ZNF202: variants seen among roughly 807,000 people sequenced by gnomAD.
ZNF202 encodes the protein zinc finger protein with KRAB and SCAN domains 10.
A neutral mutation model predicts 54.5 loss-of-function variants in ZNF202; 22 were observed. The observed-to-expected ratio is 0.40, with a 90% confidence interval of 0.29 to 0.58. The LOEUF (loss-of-function observed/expected upper bound fraction) is 0.58, where lower values mean the gene tolerates loss of function less well. ZNF202 is among the 20% of genes least tolerant of loss of function. The probability of loss-of-function intolerance (pLI) is 0.39; values close to 1 mark genes in which losing one functional copy is unlikely to be tolerated. For synonymous variants in ZNF202, 294 were observed against 301.4 expected, an observed-to-expected ratio of 0.98 and a Z score of 0.26; for missense variants, 644 against 805.5, an observed-to-expected ratio of 0.80 and a Z score of 2.43.
rs375456745 is a variant in ZNF202 at position 123,729,657 on chromosome 11, G to A, written c.571C>T (p.Arg191Cys). Residue 191 changes from arginine to cysteine, a missense_variant, in exon 5 of 9, where the codon CGT (arginine) becomes TGT (cysteine). Arg to Cys is a radical substitution (Grantham distance 180). Coordinates refer to ENST00000530393, the MANE Select transcript of ZNF202 (RefSeq NM_003455.4). ...TGGAGCTCCTCTTCCTGGTGTGGAC[G>A]CTGCTCTGCCGGTGCCCCCAGATCT... ...SPDLGAPAEQ[R>C]PHQEEELQTL... The A allele has an allele frequency of 2.2e-5, 35 of 1,609,628 alleles. No individual in the cohort carries two copies. The East Asian group carries it at 5.1e-4, about 24-fold the overall frequency.
intron 3 of ZNF202, among the ~76,000 whole-genome samples, chr11:123,733,034 GGA>G (rs1208914263): frequency 1.3e-5 from 2 of 152,110 alleles, no homozygotes; most frequent in African/African-American, 4.8e-5. Context: ...CGGATACATT[GGA>G]GAGATGACTT....
intron 1 of ZNF202, among the ~76,000 whole-genome samples, chr11:123,740,741 AC>A (rs1273629928): frequency 6.6e-6 from 1 of 152,216 alleles, no homozygotes; most frequent in East Asian, 1.9e-4. Flanking sequence ...GTTCAGAAAA[AC>A]AAAAATTAGA....
chr11:123,736,924 A>G (rs1391589934), intron 3 of ZNF202, among the ~76,000 whole-genome samples: 1 of 152,214 alleles, frequency 6.6e-6, no homozygotes, highest in African/African-American at 2.4e-5. Flanking sequence ...CGTTTTGGGA[A>G]GAAGGCAAGA....
Position 123,726,240 on chromosome 11 carries a change from G to A in ZNF202, c.1704C>T (p.Ser568=), listed in dbSNP as rs746798523. 11 of 1,614,196 alleles carry A rather than the reference G, an allele frequency of 6.8e-6. No individual in the cohort carries two copies. The highest frequency in any genetic ancestry group is 2.2e-5 in the East Asian group (1 of 44,872). ...TGTGGGTGAAGCAGCGCCCGCACTC[G>A]CTGCAGAGGTAGAGTTCCTCAGCAG... The part of the protein sequence containing the change: ...THAAEELYLC[S]ECGRCFTHSA... Residue 568 remains serine (S), a synonymous_variant, in exon 9 of 9, where the codon AGC becomes AGT. Transcript: ENST00000530393. This position sits in a 1 kb window ranked among gnomAD's most constrained non-coding sequence, Gnocchi z 6.0.
At chr11:123,728,402 G>A (rs931983335) in intron 6 of ZNF202, 140 bp from the exon 7 acceptor site, 27 of 1,147,458 alleles carry the variant, frequency 2.4e-5, no homozygotes, top group African/African-American at 4.8e-5. Context: ...ACTCATTCTC[G>A]GGGGAGCCAT....
intron 3 of ZNF202, chr11:123,738,800 T>A (rs1845589649): frequency 6.6e-6 from 1 of 152,232 alleles, no homozygotes; most frequent in Non-Finnish European, 1.5e-5. Context: ...TCTAGATGAC[T>A]TCCTCCTGGC....
Position 123,728,260 on chromosome 11 carries a change from T to G in ZNF202, c.705A>C (p.Gly235=). The part of the protein sequence containing the change: ...MVALLTALSQ[G]LVTFKDVAVC... ...CGGCCACATCCTTGAACGTTACCAG[T>G]CCCTGAAACCACATAAGGATTTCAT... Residue 235 remains glycine (G), a splice_region_variant and synonymous_variant, in exon 7 of 9, where the codon GGA becomes GGC. Coordinates refer to ENST00000530393, the MANE Select transcript of ZNF202 (RefSeq NM_003455.4). 1 of 1,607,850 alleles carries G rather than the reference T, an allele frequency of 6.2e-7. No individual in the cohort carries two copies. The highest frequency in any genetic ancestry group is 8.5e-7 in the Non-Finnish European group (1 of 1,176,678).
At position 123,730,237 on chromosome 11, in the gene ZNF202, G is replaced by A. The variant is rs1402259012; in HGVS notation, c.402+250C>T. ...ACCCACGGCTCAACATTCAAAGAAG[G>A]GAAAACCAAAGCCATGACCCTTTGG... On this transcript the variant is annotated intron_variant, in intron 4 of 8. Coordinates refer to ENST00000530393, the MANE Select transcript of ZNF202 (RefSeq NM_003455.4). The surrounding 1 kb of genome is among the most constrained non-coding windows in gnomAD (Gnocchi z 6.0). 6.6e-6 allele frequency among the ~76,000 whole-genome samples: 1 copy of A among 152,124 alleles called. No homozygotes were observed. Among genetic ancestry groups the A allele is most frequent in the Non-Finnish European group, 1.5e-5 (1 of 68,008 alleles).
At chr11:123,729,248 G>A in intron 5 of ZNF202, 34 bp from the exon 6 acceptor site, 1 of 1,597,650 alleles carries the variant, frequency 6.3e-7, no homozygotes, top group South Asian at 1.1e-5. Flanking sequence ...TCAGTAATAT[G>A]CAGCATGCCC....
rs1455010417 is a variant in ZNF202, at chr11:123,725,025, GAC to G, written c.*970_*971del. 1 of 152,186 alleles carries G rather than the reference GAC, an allele frequency of 6.6e-6. No individual in the cohort carries two copies. Among genetic ancestry groups the G allele is most frequent in the Non-Finnish European group, 1.5e-5 (1 of 68,038 alleles). The allele number at this position is 152,186 out of a possible 1,614,324, so 9.4% of individuals were successfully genotyped here. A position where few individuals can be genotyped will look rare whatever the true frequency, so the allele number is the denominator to read the frequency against. On this transcript the variant is annotated 3_prime_UTR_variant, in exon 9 of 9. Transcript: ENST00000530393. ...AATTGTTATAGTGCCTTTGTAAGTT[GAC>G]AGTTTCCAAATCCCCTTACTCATAC...
Position 123,730,547 on chromosome 11 carries a change from G to T in ZNF202, c.342C>A (p.Gly114=). The T allele has an allele frequency of 6.4e-7, 1 of 1,568,994 alleles. No individual in the cohort carries two copies. The highest frequency in any genetic ancestry group is 1.9e-5 in the Admixed American group (1 of 52,498). ...SWVRGQRPES[G]EEAVTLVEGL... ...CCTCCACCAGCGTCACTGCCTCCTCGCCACTTTCTGGCCGTTGGCCCCGCA... is the reference window on the plus strand; with the variant it reads ...CCTCCACCAGCGTCACTGCCTCCTCTCCACTTTCTGGCCGTTGGCCCCGCA... Residue 114 remains glycine, a synonymous_variant, in exon 4 of 9, where the codon GGC becomes GGA. Coordinates refer to ENST00000530393, the MANE Select transcript of ZNF202 (RefSeq NM_003455.4). This position sits in a 1 kb window ranked among gnomAD's most constrained non-coding sequence, Gnocchi z 6.0.
intron 3 of ZNF202, among the ~76,000 whole-genome samples, chr11:123,731,604 C>T (rs963236556): frequency 2.0e-5 from 3 of 152,170 alleles, no homozygotes; most frequent in African/African-American, 4.8e-5. Context: ...CTGGCTCTGT[C>T]GCTTACTAGG....
intron 6 of ZNF202, 121 bp from the exon 7 acceptor site, chr11:123,728,383 G>A: frequency 7.7e-7 from 1 of 1,303,822 alleles, no homozygotes; most frequent in South Asian, 1.7e-5. Flanking sequence ...TGAGTGGCGG[G>A]CTGCTTAAAC....
At chr11:123,733,259 ATTCT>A (rs1403767292) in intron 3 of ZNF202, among the ~76,000 whole-genome samples, 1 of 152,142 alleles carries the variant, frequency 6.6e-6, no homozygotes, top group Non-Finnish European at 1.5e-5. Context: ...CATTATCTTC[ATTCT>A]TTCTCAAAAC....
At position 123,730,100 on chromosome 11, in the gene ZNF202, C is replaced by T. The variant is rs1244273808; in HGVS notation, c.403-275G>A. Among the ~76,000 whole-genome samples the T allele has an allele frequency of 6.6e-6, 1 of 152,146 alleles. No individual in the cohort carries two copies. Among genetic ancestry groups the T allele is most frequent in the East Asian group, 1.9e-4 (1 of 5,172 alleles). ...TTCCTTCCCATCTCCACCTGTCCCA[C>T]CTGCAGCTCTCCTTGCTGCCTGCTT... On this transcript the variant is annotated intron_variant, in intron 4 of 8. Coordinates refer to ENST00000530393, the MANE Select transcript of ZNF202 (RefSeq NM_003455.4). The surrounding 1 kb of genome is among the most constrained non-coding windows in gnomAD (Gnocchi z 6.0).
rs936652156 is a variant in ZNF202 at position 123,725,722 on chromosome 11, A to G, written c.*275T>C. 1 of 419,378 alleles carries G rather than the reference A, an allele frequency of 2.4e-6. No homozygotes were observed. The highest frequency in any genetic ancestry group is 2.0e-5 in the African/African-American group (1 of 50,720). 26.0% of individuals were successfully genotyped at this position (419,378 alleles called of 1,614,324 possible). On this transcript the variant is annotated 3_prime_UTR_variant, in exon 9 of 9. Transcript: ENST00000530393. ...ACCTCTTAAGTCTCTTAGTTCTCCT[A>G]CTTTATACCCATGAGGTAGAGGCAG...
chr11:123,726,979 T>A lies in ZNF202; in HGVS notation c.965A>T (p.Lys322Ile), dbSNP rs773878966. The change falls in exon 9 of 9, where the codon AAA becomes ATA. Residue 322 changes from lysine to isoleucine, a missense_variant. Coordinates refer to ENST00000530393, the MANE Select transcript of ZNF202 (RefSeq NM_003455.4). The surrounding 1 kb of genome is among the most constrained non-coding windows in gnomAD (Gnocchi z 6.0). ...LSFTYTGDRS[K>I]DEEECLEQED... ...CTGCTCCAGACACTCTTCCTCATCTTTACTCCTATCTCCTGTAGAAAGGGT... is the reference window on the plus strand; with the variant it reads ...CTGCTCCAGACACTCTTCCTCATCTATACTCCTATCTCCTGTAGAAAGGGT... 6.1e-5 allele frequency: 99 copies of A among 1,612,260 alleles called. 1 individual carries two copies. The highest frequency in any genetic ancestry group is 8.1e-5 in the Non-Finnish European group (95 of 1,179,444).
chr11:123,726,519 T>TG lies in ZNF202; in HGVS notation c.1424dup (p.Ser476IlefsTer7). On this transcript the variant is annotated frameshift_variant, in exon 9 of 9. Coordinates refer to ENST00000530393, the MANE Select transcript of ZNF202 (RefSeq NM_003455.4). LOFTEE classifies it high-confidence loss of function. The surrounding 1 kb of genome is among the most constrained non-coding windows in gnomAD (Gnocchi z 6.0). Reference sequence around the variant, plus strand: ...CACATCTATAGGGTTTCTCCACTGATGGAGTTCTCTCAGCCTGTGTCACAG... The same window carrying TG: ...CACATCTATAGGGTTTCTCCACTGATGGGAGTTCTCTCAGCCTGTGTCACAG... The TG allele has an allele frequency of 6.2e-7, 1 of 1,614,260 alleles. No homozygotes were observed. The highest frequency in any genetic ancestry group is 1.1e-5 in the South Asian group (1 of 91,090).
rs1818516809 is a variant in ZNF202, at chr11:123,730,269, A to G, written c.402+218T>C. 6.6e-6 allele frequency among the ~76,000 whole-genome samples: 1 copy of G among 152,224 alleles called. No individual in the cohort carries two copies. Among genetic ancestry groups the G allele is most frequent in the Admixed American group, 6.5e-5 (1 of 15,288 alleles). ...CAAAGCCATGACCCTTTGGTGGCTG[A>G]GACCCCTCAGATGGTCCCTATACAG... On this transcript the variant is annotated intron_variant, in intron 4 of 8. Transcript: ENST00000530393. This position sits in a 1 kb window ranked among gnomAD's most constrained non-coding sequence, Gnocchi z 6.0.
Sources: gnomAD v4.1 joint callset for allele counts (sites outside exome capture counted in the v4.1 genomes callset) on GRCh38, gnomAD v4.1.1 for gene constraint, Gnocchi (gnomAD v3.1) non-coding constraint, MANE v1.5 for transcripts, NCBI Gene and HGNC (gene_info 2026-07-23, HGNC 2026-07-21) for gene names.